The following TBCK variants were observed in gnomAD, a reference collection of about 807,000 sequenced individuals.
TBCK encodes the protein TBC domain-containing protein kinase-like protein.
A neutral mutation model predicts 113.4 loss-of-function variants in TBCK; 99 were observed. The observed-to-expected ratio is 0.87, with a 90% CI of 0.74 to 1.03. The LOEUF (loss-of-function observed/expected upper bound fraction) is 1.03, where lower values mean the gene tolerates loss of function less well. Ranked by LOEUF, TBCK falls within the 50% of genes least tolerant of loss-of-function variation. TBCK has a pLI of 0.00. For synonymous variants in TBCK, 369 were observed against 370.8 expected (o/e 1.00, Z 0.05); for missense variants, 1,045 against 1,061.3 (o/e 0.98, Z 0.21).
chr4:106,236,564 G>C (rs1023806789), intron 13 of TBCK, 45 bp from the exon 14 acceptor site: 2 of 1,403,486 alleles, frequency 1.4e-6, no homozygotes, highest in African/African-American at 3.0e-5. Flanking sequence ...ATGGACAAAA[G>C]GTACAAAATT....
rs1734023554 is a variant in TBCK at position 106,044,273 on chromosome 4, T to C, written c.*2297A>G. 6.6e-6 allele frequency: 1 copy of C among 152,188 alleles called. No individual in the cohort carries two copies. The highest frequency in any genetic ancestry group is 2.4e-5 in the African/African-American group (1 of 41,454). 9.4% of individuals were successfully genotyped at this position (152,188 alleles called of 1,614,324 possible). On this transcript the variant is annotated 3_prime_UTR_variant, in exon 26 of 26. Transcript: ENST00000394708. ...GATCATCAATGGTGCATTCTGATTA[T>C]GAACTCAGGTAAGTCATCAAAGACT...
intron 22 of TBCK, among the ~76,000 whole-genome samples, chr4:106,184,500 T>C (rs139689308): frequency 5.3e-5 from 8 of 152,108 alleles, no homozygotes; most frequent in African/African-American, 1.4e-4. Flanking sequence ...CACTGGATCA[T>C]CTTTAAATAA....
In TBCK at chr4:106,260,510, C is replaced by T. The variant is rs1043228885; in HGVS notation, c.382G>A (p.Gly128Arg). ...SPHNILLDRK[G>R]HIKLAKFGLY... Reference sequence around the variant, plus strand: ...CCAAATTTAGCCAATTTAATATGTCCCTATGATAATAAAGAAAAAAAACAC... The same window carrying T: ...CCAAATTTAGCCAATTTAATATGTCTCTATGATAATAAAGAAAAAAAACAC... Residue 128 changes from glycine to arginine, a missense_variant and splice_region_variant, in exon 5 of 26, where the codon GGA becomes AGA. Transcript: ENST00000394708. 20 of 1,168,190 alleles carry T rather than the reference C, an allele frequency of 1.7e-5. No homozygotes were observed. Among genetic ancestry groups the T allele is most frequent in the Admixed American group, 3.0e-5 (1 of 32,820 alleles). The allele number at this position is 1,168,190 out of a possible 1,614,324, so 72.4% of individuals were successfully genotyped here.
At chr4:106,184,163 A>G (rs1239726611) in intron 22 of TBCK, among the ~76,000 whole-genome samples, 1 of 152,044 alleles carries the variant, frequency 6.6e-6, no homozygotes, top group Non-Finnish European at 1.5e-5. Context: ...ACAGTGCCTC[A>G]GCTTCTAAAT....
At chr4:106,221,418 T>C (rs1438577319) in intron 19 of TBCK, among the ~76,000 whole-genome samples, 2 of 152,096 alleles carry the variant, frequency 1.3e-5, no homozygotes, top group African/African-American at 4.8e-5. Context: ...TATATGCAAA[T>C]ATAATTTGTA....
chr4:106,159,179 G>A (rs180788797), intron 23 of TBCK, among the ~76,000 whole-genome samples: 4 of 152,118 alleles, frequency 2.6e-5, no homozygotes, highest in Non-Finnish European at 5.9e-5. Flanking sequence ...AAAACCCACA[G>A]AAAACATGCT....
Position 106,212,819 on chromosome 4 carries a change from G to C in TBCK, c.1791C>G (p.Phe597Leu). 6.2e-7 allele frequency: 1 copy of C among 1,611,790 alleles called. No individual in the cohort carries two copies. The highest frequency in any genetic ancestry group is 8.5e-7 in the Non-Finnish European group (1 of 1,178,578). ...SHVIQEYLTVFSQMIAFHDPE... is the reference protein window; with the variant it reads ...SHVIQEYLTVLSQMIAFHDPE... ...GATCATGAAATGCAATCATCTGAGA[G>C]AAGACAGTCAGATACTCTGAAATTA... The change falls in exon 20 of 26, where the codon TTC (phenylalanine) becomes TTG (leucine). Residue 597 changes from phenylalanine (F) to leucine (L), a missense_variant. Phe to Leu is a conservative substitution (Grantham distance 22). Transcript: ENST00000394708.
chr4:106,047,231 A>C (rs1734317646), intron 25 of TBCK, among the ~76,000 whole-genome samples: 2 of 152,202 alleles, frequency 1.3e-5, no homozygotes, highest in Non-Finnish European at 2.9e-5. Context: ...ATCCAGGAAG[A>C]CTTCTAGATG....
chr4:106,121,787 C>G (rs1191383555), intron 23 of TBCK, among the ~76,000 whole-genome samples: 1 of 151,994 alleles, frequency 6.6e-6, no homozygotes, highest in Non-Finnish European at 1.5e-5. Flanking sequence ...GGATACATGA[C>G]GAAATGAAGG....
At chr4:106,252,749 A>C (rs887974019) in intron 5 of TBCK, among the ~76,000 whole-genome samples, 9 of 152,092 alleles carry the variant, frequency 5.9e-5, no homozygotes, top group African/African-American at 1.9e-4. Context: ...AAGTATATGC[A>C]TATAAATGAC....
rs1381417734 is a variant in TBCK, at chr4:106,251,859, T to C, written c.597+7A>G. On this transcript the variant is annotated splice_region_variant and intron_variant, in intron 6 of 25. Coordinates refer to ENST00000394708, the MANE Select transcript of TBCK (RefSeq NM_001163435.3). ...CTTTTATTATATTAATATTTCTTTA[T>C]ACATACCACACAAAGCTCAAATAAA... is the stretch of plus-strand genomic sequence containing the variant. 5.1e-6 allele frequency: 8 copies of C among 1,578,866 alleles called. No individual in the cohort carries two copies. The highest frequency in any genetic ancestry group is 5.2e-6 in the Non-Finnish European group (6 of 1,163,988).
intron 12 of TBCK, chr4:106,237,517 C>T: frequency 2.2e-6 from 1 of 455,934 alleles, no homozygotes; most frequent in Non-Finnish European, 4.4e-6. Flanking sequence ...CAACTTCCAA[C>T]TTGAAGGCAG....
chr4:106,050,720 G>A lies in TBCK; in HGVS notation c.2572-4040C>T, dbSNP rs554908133. On this transcript the variant is annotated intron_variant, in intron 25 of 25. Coordinates refer to ENST00000394708, the MANE Select transcript of TBCK (RefSeq NM_001163435.3). ...TACATCCCATGTAGAGAGAATGGGG[G>A]TCTTCAAATTGCACAACTAGCTGAG... is the stretch of plus-strand genomic sequence containing the variant. Among the ~76,000 whole-genome samples the A allele has an allele frequency of 2.6e-5, 4 of 152,182 alleles. No homozygotes were observed. In the South Asian group the frequency reaches 8.3e-4, roughly 32 times the overall value.
intron 2 of TBCK, among the ~76,000 whole-genome samples, chr4:106,306,437 T>C (rs1466108803): frequency 1.3e-5 from 2 of 152,062 alleles, no homozygotes; most frequent in African/African-American, 2.4e-5. Flanking sequence ...TTCCATAGCA[T>C]AGCATAGCAC....
intron 22 of TBCK, among the ~76,000 whole-genome samples, chr4:106,173,209 A>G (rs1751241499): frequency 6.6e-6 from 1 of 152,198 alleles, no homozygotes; most frequent in African/African-American, 2.4e-5. Flanking sequence ...TAATATAGTG[A>G]AGCTCTCTAA....
At chr4:106,108,028 C>T (rs1400866701) in intron 24 of TBCK, among the ~76,000 whole-genome samples, 4 of 152,084 alleles carry the variant, frequency 2.6e-5, no homozygotes, top group Non-Finnish European at 2.9e-5. Context: ...AATTCCTGGA[C>T]ATATACACCC....
chr4:106,113,697 G>A (rs527770710), intron 24 of TBCK, among the ~76,000 whole-genome samples: 5 of 152,282 alleles, frequency 3.3e-5, no homozygotes, highest in South Asian at 4.1e-4. Flanking sequence ...TGGACAGGAC[G>A]CTGAAGAAGA....
At chr4:106,225,590 G>C (rs2149967172) in intron 19 of TBCK, among the ~76,000 whole-genome samples, 1 of 152,168 alleles carries the variant, frequency 6.6e-6, no homozygotes, top group South Asian at 2.1e-4. Flanking sequence ...CTCCCAAGTA[G>C]CTGGGATTAC....
At chr4:106,249,163 T>A (rs1056032368) in intron 7 of TBCK, among the ~76,000 whole-genome samples, 181 bp from the exon 8 acceptor site, 4 of 152,152 alleles carry the variant, frequency 2.6e-5, no homozygotes, top group African/African-American at 9.6e-5. Context: ...AAGCTTCAGA[T>A]AAATACTAAT....
Sources: gnomAD v4.1 joint callset for allele counts (sites outside exome capture counted in the v4.1 genomes callset) on GRCh38, gnomAD v4.1.1 for gene constraint, MANE v1.5 for transcripts, NCBI Gene and HGNC (gene_info 2026-07-23, HGNC 2026-07-21) for gene names.